SAMTOR: variants seen among roughly 807,000 people sequenced by gnomAD.
SAMTOR encodes S-adenosylmethionine sensor upstream of mTORC1.
At chr7:112,854,149 A>T in the SAMTOR span, among the ~76,000 whole-genome samples, 2 of 152,124 alleles carry the variant, frequency 1.3e-5, no homozygotes, top group Non-Finnish European at 2.9e-5. Context: ...AGAAAAAAAT[A>T]GTTAGAAAAT....
At chr7:112,822,335 C>T in the SAMTOR span, 1 of 1,608,960 alleles carries the variant, frequency 6.2e-7, no homozygotes, top group South Asian at 1.1e-5. Context: ...GGAGTGGTTG[C>T]TGAAGCTGTA....
the SAMTOR span, among the ~76,000 whole-genome samples, chr7:112,928,440 A>C: frequency 6.6e-6 from 1 of 151,998 alleles, no homozygotes; most frequent in African/African-American, 2.4e-5. Flanking sequence ...TCATTCATTT[A>C]TACATACTGT....
chr7:112,867,629 C>T, the SAMTOR span, among the ~76,000 whole-genome samples: 37 of 152,138 alleles, frequency 2.4e-4, no homozygotes, highest in East Asian at 6.4e-3. Flanking sequence ...TTGCATGTGT[C>T]AAAACTTTTG....
At chr7:112,902,449 C>CA in the SAMTOR span, among the ~76,000 whole-genome samples, 2,355 of 54,906 alleles carry the variant, frequency 0.043, 237 homozygotes, top group African/African-American at 0.11. Context: ...CAAAAAAAAA[C>CA]AAAAAAAAAA....
chr7:112,929,723 A>G, the SAMTOR span, among the ~76,000 whole-genome samples: 1 of 152,070 alleles, frequency 6.6e-6, no homozygotes, highest in South Asian at 2.1e-4. Flanking sequence ...CTGAGAGTAT[A>G]GAGAGAGACC....
the SAMTOR span, among the ~76,000 whole-genome samples, chr7:112,935,463 T>C: frequency 6.6e-6 from 1 of 152,208 alleles, no homozygotes; most frequent in Non-Finnish European, 1.5e-5. Flanking sequence ...TGCTGAAGAA[T>C]AGTCAATCAC....
chr7:112,900,414 A>G, the SAMTOR span, among the ~76,000 whole-genome samples: 1 of 152,250 alleles, frequency 6.6e-6, no homozygotes, highest in African/African-American at 2.4e-5. Context: ...CTACTCACCC[A>G]CAATAGAGAG....
At chr7:112,896,546 T>C in the SAMTOR span, among the ~76,000 whole-genome samples, 3 of 152,356 alleles carry the variant, frequency 2.0e-5, no homozygotes, top group East Asian at 1.9e-4. Context: ...CTTTAACTTA[T>C]ACTATGTAGA....
chr7:112,922,920 G>A, the SAMTOR span, among the ~76,000 whole-genome samples: 17 of 138,372 alleles, frequency 1.2e-4, no homozygotes, highest in Admixed American at 6.6e-4. Flanking sequence ...CGCCCCATCC[G>A]TCCCTACTGG....
the SAMTOR span, chr7:112,820,360 A>G: frequency 6.6e-6 from 1 of 152,490 alleles, no homozygotes; most frequent in African/African-American, 2.4e-5. Flanking sequence ...TGAAAATGCA[A>G]GTTTCCTTTA....
chr7:112,883,608 T>C, the SAMTOR span, among the ~76,000 whole-genome samples: 1 of 152,226 alleles, frequency 6.6e-6, no homozygotes, highest in South Asian at 2.1e-4. Context: ...AACTGACTAC[T>C]GGTAATGCTT....
the SAMTOR span, among the ~76,000 whole-genome samples, chr7:112,857,334 ACCCG>A: frequency 2.7e-5 from 4 of 147,886 alleles, no homozygotes; most frequent in Admixed American, 2.7e-4. Flanking sequence ...CTCATGATCC[ACCCG>A]CCTCGGCCTC....
chr7:112,938,388 A>G, the SAMTOR span, among the ~76,000 whole-genome samples: 1 of 152,248 alleles, frequency 6.6e-6, no homozygotes, highest in African/African-American at 2.4e-5. Flanking sequence ...AGAAACCTTT[A>G]AAGTTTGAAA....
At chr7:112,891,728 T>TA in the SAMTOR span, among the ~76,000 whole-genome samples, 1 of 152,198 alleles carries the variant, frequency 6.6e-6, no homozygotes, top group East Asian at 1.9e-4. Flanking sequence ...TAGCATTGTC[T>TA]AAAAAACAAT....
At chr7:112,884,542 G>A in the SAMTOR span, among the ~76,000 whole-genome samples, 10,763 of 152,164 alleles carry the variant, frequency 0.071, 441 homozygotes, top group South Asian at 0.13. Flanking sequence ...ATATAAGTCC[G>A]AAATCCAATA....
chr7:112,889,749 T>A, the SAMTOR span, among the ~76,000 whole-genome samples: 1 of 152,162 alleles, frequency 6.6e-6, no homozygotes, highest in Non-Finnish European at 1.5e-5. Flanking sequence ...AAAAACCAGG[T>A]GAACCTAGCT....
the SAMTOR span, among the ~76,000 whole-genome samples, chr7:112,864,358 C>T: frequency 2.6e-5 from 4 of 152,066 alleles, no homozygotes; most frequent in African/African-American, 9.7e-5. Flanking sequence ...ATGTAACAAA[C>T]CTACACTTGT....
chr7:112,935,360 C>T, the SAMTOR span: 2 of 307,232 alleles, frequency 6.5e-6, no homozygotes, highest in Non-Finnish European at 1.3e-5. Context: ...ACACCAACAT[C>T]ACATTCATTC....
At chr7:112,882,118 G>A in the SAMTOR span, among the ~76,000 whole-genome samples, 2 of 152,228 alleles carry the variant, frequency 1.3e-5, no homozygotes, top group Non-Finnish European at 2.9e-5. Flanking sequence ...TCCAGCAGCA[G>A]GCTTGTCTGG....
Sources: allele counts gnomAD v4.1 joint callset (sites outside exome capture counted in the v4.1 genomes callset), GRCh38; gene constraint gnomAD v4.1.1; transcripts MANE v1.5; gene names NCBI Gene and HGNC (gene_info 2026-07-23, HGNC 2026-07-21).